Variants in MS4A10 observed in about 807,000 individuals in gnomAD.
The protein encoded by MS4A10 is membrane-spanning 4-domains subfamily A member 10.
In MS4A10, 27 loss-of-function variants were observed where a neutral mutation model predicts 27.7. The observed-to-expected ratio is 0.98, with a 90% confidence interval of 0.72 to 1.35. The LOEUF (loss-of-function observed/expected upper bound fraction) is 1.35, where lower values mean the gene tolerates loss of function less well. Among genes scored for constraint, MS4A10 ranks in the 40% most tolerant of loss-of-function variants. The pLI, the probability that MS4A10 is intolerant of heterozygous loss-of-function variation, is 0.00. For missense variants in MS4A10, 338 were observed against 324.7 expected, an observed-to-expected ratio of 1.04 and a Z score of -0.32; for synonymous variants, 139 against 131.2, an observed-to-expected ratio of 1.06 and a Z score of -0.41.
At chr11:60,787,021 C>T (rs939319509) in intron 1 of MS4A10, among the ~76,000 whole-genome samples, 1 of 152,218 alleles carries the variant, frequency 6.6e-6, no homozygotes, top group Non-Finnish European at 1.5e-5. Context: ...TGCTGCTTTG[C>T]TGGGGGGTTC....
In MS4A10 at chr11:60,795,605, G is replaced by C. The variant is rs543696956; in HGVS notation, c.543G>C (p.Glu181Asp). 6 of 1,595,324 alleles carry C rather than the reference G, an allele frequency of 3.8e-6. No homozygotes were observed. Among genetic ancestry groups the C allele is most frequent in the African/African-American group, 1.4e-5 (1 of 74,012 alleles). The change falls in exon 6 of 8, where the codon GAG (glutamate) becomes GAC (aspartate). Residue 181 changes from glutamate (E) to aspartate (D), a missense_variant. By Grantham distance (45) the Glu-to-Asp change is conservative (BLOSUM62 2). Transcript: ENST00000308287. ...ELALLCFTVLELFLPVPTAVT... is the reference protein window; with the variant it reads ...ELALLCFTVLDLFLPVPTAVT... ...CCTTGCTCTGCTTCACTGTCCTAGA[G>C]CTCTTCCTGCCAGTGCCCACAGCTG...
chr11:60,790,539 G>A (rs1285568543), intron 2 of MS4A10, 21 bp downstream of exon 2: 1 of 1,613,402 alleles, frequency 6.2e-7, no homozygotes. Flanking sequence ...ACTTCCCAGG[G>A]TCCCAGCAGT....
intron 1 of MS4A10, among the ~76,000 whole-genome samples, chr11:60,789,875 G>T (rs1854396062): frequency 6.6e-6 from 1 of 152,158 alleles, no homozygotes; most frequent in Admixed American, 6.6e-5. Flanking sequence ...GGAGGCATGG[G>T]CACCACCACA....
Position 60,790,375 on chromosome 11 carries a change from AG to A in MS4A10, c.45del (p.Leu16SerfsTer66), listed in dbSNP as rs1854409687. ...CACAGTTATTCCCAGCCGTTGTGCT[AG>A]GGGGCTCCCATCATGGCAAGTCCTC... ...EATVIPSRCA[R>X]GLPSWQVLSP... On this transcript the variant is annotated frameshift_variant, in exon 2 of 8. Transcript: ENST00000308287. LOFTEE classifies it high-confidence loss of function. 1 of 1,613,968 alleles carries A rather than the reference AG, an allele frequency of 6.2e-7. No individual in the cohort carries two copies. The highest frequency in any genetic ancestry group is 1.7e-5 in the Admixed American group (1 of 60,000).
At position 60,800,174 on chromosome 11, in the gene MS4A10, G is replaced by T; in HGVS notation, c.*265G>T. The T allele has an allele frequency of 2.1e-6, 1 of 480,584 alleles. No individual in the cohort carries two copies. The highest frequency in any genetic ancestry group is 3.7e-6 in the Non-Finnish European group (1 of 268,542). 29.8% of individuals were successfully genotyped at this position (480,584 alleles called of 1,614,324 possible). A position where few individuals can be genotyped will look rare whatever the true frequency, so the allele number is the denominator to read the frequency against. On this transcript the variant is annotated 3_prime_UTR_variant, in exon 8 of 8. Transcript: ENST00000308287. ...TTGTTTTCTTTTGTTTTGTTGAGAT[G>T]GAGTCTCGCTCTGTTGCCCAGCCCA...
rs74989305 is a variant in MS4A10, at chr11:60,789,011, C to T, written c.-22-1303C>T. 7.8e-3 allele frequency among the ~76,000 whole-genome samples: 1,192 copies of T among 152,314 alleles called. 7 individuals carry two copies. The highest frequency in any genetic ancestry group is 0.034 in the Middle Eastern group (10 of 294). On this transcript the variant is annotated intron_variant, in intron 1 of 7. Transcript: ENST00000308287. ...TACAGTGCTCACCCAACTGTGAGGC[C>T]CCATCTGGCTCTTTGGCTCTTGATA...
chr11:60,796,669 C>A (rs998190586), intron 6 of MS4A10, among the ~76,000 whole-genome samples: 1 of 152,078 alleles, frequency 6.6e-6, no homozygotes, highest in Non-Finnish European at 1.5e-5. Flanking sequence ...CTTCTCAAGG[C>A]GAAGCAGCCA....
intron 2 of MS4A10, 75 bp from the exon 3 acceptor site, chr11:60,790,899 T>A: frequency 6.3e-7 from 1 of 1,584,324 alleles, no homozygotes; most frequent in East Asian, 2.2e-5. Flanking sequence ...AGCCAGTAGG[T>A]CCAGGGCACT....
At position 60,794,630 on chromosome 11, in the gene MS4A10, C is replaced by T. The variant is rs576595901; in HGVS notation, c.492+527C>T. Among the ~76,000 whole-genome samples, 6 of 152,322 alleles carry T rather than the reference C, an allele frequency of 3.9e-5. No homozygotes were observed. In the East Asian group the frequency reaches 5.8e-4, roughly 15 times the overall value. On this transcript the variant is annotated intron_variant, in intron 5 of 7. Transcript: ENST00000308287. ...TGCTGCCTCTGAAGCAGAAGGCAGA[C>T]CACTGGGTGCCTCTGGGCCAGGCTC...
At chr11:60,795,501 C>T in intron 5 of MS4A10, 54 bp from the exon 6 acceptor site, 3 of 1,214,560 alleles carry the variant, frequency 2.5e-6, no homozygotes, top group Non-Finnish European at 3.3e-6. Flanking sequence ...CCACGTGATG[C>T]GTGCAGACAC....
chr11:60,791,750 A>T (rs1336733921), intron 3 of MS4A10, among the ~76,000 whole-genome samples: 1 of 152,274 alleles, frequency 6.6e-6, no homozygotes, highest in Non-Finnish European at 1.5e-5. Flanking sequence ...GCACAGTGAT[A>T]GAACTTTCCA....
At position 60,792,292 on chromosome 11, in the gene MS4A10, A is replaced by T. The variant is rs1485893926; in HGVS notation, c.331A>T (p.Thr111Ser). ...SFLISGILAI[T>S]MKTFSKTYLK... ...TCTCATTTCAGGGATCTTGGCGATA[A>T]CAATGAAGACCTTTTCTAAAACTTA... Residue 111 changes from threonine (T) to serine (S), a missense_variant, in exon 4 of 8, where the codon ACA becomes TCA. Thr to Ser is a moderately conservative substitution (Grantham distance 58, BLOSUM62 1). Transcript: ENST00000308287. 6.2e-7 allele frequency: 1 copy of T among 1,613,590 alleles called. No individual in the cohort carries two copies. Among genetic ancestry groups the T allele is most frequent in the Admixed American group, 1.7e-5 (1 of 60,024 alleles).
intron 1 of MS4A10, among the ~76,000 whole-genome samples, chr11:60,786,522 C>A (rs2063031): frequency 0.097 from 14,717 of 151,972 alleles, 950 homozygotes; most frequent in Admixed American, 0.17. Flanking sequence ...GGGATGGAGG[C>A]AATAAACTCA....
rs1854437586 is a variant in MS4A10 at position 60,791,925 on chromosome 11, A to T, written c.304-340A>T. Among the ~76,000 whole-genome samples the T allele has an allele frequency of 2.0e-5, 3 of 152,192 alleles. No individual in the cohort carries two copies. The South Asian group carries it at 6.2e-4, about 32-fold the overall frequency. The stretch of plus-strand genomic sequence containing the variant: ...AAGAAAAGAGAAACAGTCGGGGTGG[A>T]GGGGATAGTGCCACTGATCCCAGCG... On this transcript the variant is annotated intron_variant, in intron 3 of 7. Transcript: ENST00000308287.
rs545921757 is a variant in MS4A10 at position 60,786,536 on chromosome 11, C to A, written c.-23+1115C>A. The stretch of plus-strand genomic sequence containing the variant: ...GGGGATGGAGGCAATAAACTCACCA[C>A]TCCAGATGATAGGGACAGGGTGTAT... On this transcript the variant is annotated intron_variant, in intron 1 of 7. Transcript: ENST00000308287. 2.0e-5 allele frequency among the ~76,000 whole-genome samples: 3 copies of A among 152,234 alleles called. No homozygotes were observed. The South Asian group carries it at 6.2e-4, about 32-fold the overall frequency.
chr11:60,798,845 G>GC (rs1854578657), intron 7 of MS4A10, among the ~76,000 whole-genome samples: 1 of 152,176 alleles, frequency 6.6e-6, no homozygotes, highest in Non-Finnish European at 1.5e-5. Flanking sequence ...GCCCCCTGGT[G>GC]CCCCCCATGC....
chr11:60,795,079 C>A (rs1347397990), intron 5 of MS4A10, among the ~76,000 whole-genome samples: 1 of 152,164 alleles, frequency 6.6e-6, no homozygotes, highest in Non-Finnish European at 1.5e-5. Context: ...TGCGAGCATG[C>A]ATGGACACAC....
At chr11:60,790,293 G>A (rs1565080559) in intron 1 of MS4A10, 21 bp from the exon 2 acceptor site, 13 of 1,603,220 alleles carry the variant, frequency 8.1e-6, no homozygotes, top group Non-Finnish European at 9.4e-6. Flanking sequence ...GGTTCTGACG[G>A]CCTTCCTCCC....
At position 60,792,259 on chromosome 11, in the gene MS4A10, C is replaced by T; in HGVS notation, c.304-6C>T. 6.2e-7 allele frequency: 1 copy of T among 1,613,150 alleles called. No individual in the cohort carries two copies. The highest frequency in any genetic ancestry group is 8.5e-7 in the Non-Finnish European group (1 of 1,179,154). ...CTCTCCTTTGACTTTCAAATCTGTC[C>T]TGCAGTTTCTCATTTCAGGGATCTT... On this transcript the variant is annotated splice_polypyrimidine_tract_variant and splice_region_variant and intron_variant, in intron 3 of 7. Coordinates refer to ENST00000308287, the MANE Select transcript of MS4A10 (RefSeq NM_206893.4).
Sources: allele counts gnomAD v4.1 joint callset (sites outside exome capture counted in the v4.1 genomes callset), GRCh38; gene constraint gnomAD v4.1.1; transcripts MANE v1.5; gene names NCBI Gene and HGNC (gene_info 2026-07-23, HGNC 2026-07-21).